CBLB: variants seen among roughly 807,000 people sequenced by gnomAD.
The protein encoded by CBLB is Cbl proto-oncogene B.
CBLB carries 31 observed loss-of-function variants against 104.9 expected under a neutral mutation model. The ratio of observed to expected loss-of-function variants is 0.30; its 90% CI spans 0.22 to 0.40. The LOEUF (loss-of-function observed/expected upper bound fraction) is 0.40. CBLB is among the 10% of genes least tolerant of loss of function. The probability of loss-of-function intolerance (pLI) is 1.00; values close to 1 mark genes in which losing one functional copy is unlikely to be tolerated. For missense variants in CBLB, 1,062 were observed against 1,214.6 expected, an observed-to-expected ratio of 0.87 and a Z score of 1.87; for synonymous variants, 440 against 422.6, an observed-to-expected ratio of 1.04 and a Z score of -0.51.
intron 3 of CBLB, among the ~76,000 whole-genome samples, chr3:105,847,392 C>CCACACACACACA (rs112192218): frequency 9.3e-4 from 133 of 143,532 alleles, no homozygotes; most frequent in African/African-American, 2.6e-3. Context: ...TAACCCTCCA[C>CCACACACACACA]CACACACACA....
rs2076048932 is a variant in CBLB, at chr3:105,745,817, G to C, written c.845+100C>G. On this transcript the variant is annotated intron_variant, in intron 6 of 18. Coordinates refer to ENST00000394030, the MANE Select transcript of CBLB (RefSeq NM_170662.5). ...TTTACCTTTTCTAGCCCCCTCCCAA[G>C]CATGCCATCAGCGGGTATTGCTGAC... is the stretch of plus-strand genomic sequence containing the variant. 3 of 1,078,056 alleles carry C rather than the reference G, an allele frequency of 2.8e-6. No homozygotes were observed. In the Admixed American group the frequency reaches 5.1e-5, roughly 18 times the overall value. The allele number at this position is 1,078,056 out of a possible 1,614,324, so 66.8% of individuals were successfully genotyped here.
intron 18 of CBLB, among the ~76,000 whole-genome samples, chr3:105,662,118 C>T (rs1158701509): frequency 6.6e-6 from 1 of 152,154 alleles, no homozygotes; most frequent in Non-Finnish European, 1.5e-5. Flanking sequence ...AGGAGGAGAT[C>T]ATTTCCACAC....
At chr3:105,722,592 C>A (rs1206421019) in intron 9 of CBLB, among the ~76,000 whole-genome samples, 1 of 116,596 alleles carries the variant, frequency 8.6e-6, no homozygotes, top group Non-Finnish European at 1.9e-5. Flanking sequence ...ATTATTCCAC[C>A]CAATCGAAAT....
At chr3:105,838,570 A>G (rs572441876) in intron 3 of CBLB, among the ~76,000 whole-genome samples, 32 of 152,218 alleles carry the variant, frequency 2.1e-4, no homozygotes, top group Admixed American at 9.2e-4. Flanking sequence ...GTAAATTCCA[A>G]GGATAGTGAT....
chr3:105,776,349 A>G, intron 4 of CBLB, 47 bp downstream of exon 4: 1 of 1,551,604 alleles, frequency 6.4e-7, no homozygotes, highest in Non-Finnish European at 8.9e-7. Context: ...AGGATACAGT[A>G]ACCCTTGAAA....
intron 4 of CBLB, chr3:105,761,979 A>T (rs1015929010): frequency 1.3e-5 from 2 of 152,036 alleles, no homozygotes; most frequent in Non-Finnish European, 1.5e-5. Flanking sequence ...AGTAAAGGTG[A>T]CTCTTGCTAT....
At chr3:105,709,204 A>G (rs542817639) in intron 10 of CBLB, among the ~76,000 whole-genome samples, 5 of 152,128 alleles carry the variant, frequency 3.3e-5, no homozygotes, top group African/African-American at 9.6e-5. Context: ...ATTTAATTTA[A>G]CATGATTAGG....
chr3:105,771,772 T>C (rs2078899044), intron 4 of CBLB, among the ~76,000 whole-genome samples: 1 of 151,864 alleles, frequency 6.6e-6, no homozygotes, highest in Admixed American at 6.6e-5. Flanking sequence ...AAGAACTCAA[T>C]CCCCTTTGCA....
intron 2 of CBLB, among the ~76,000 whole-genome samples, chr3:105,864,186 T>C (rs2092290607): frequency 6.6e-6 from 1 of 152,050 alleles, no homozygotes; most frequent in Admixed American, 6.6e-5. Flanking sequence ...GTACTTGGGG[T>C]TTGTAATATA....
At chr3:105,737,928 C>A (rs2075130622) in intron 7 of CBLB, among the ~76,000 whole-genome samples, 2 of 152,250 alleles carry the variant, frequency 1.3e-5, no homozygotes, top group South Asian at 4.1e-4. Context: ...GTTCTATTAT[C>A]AGGGAAAACT....
intron 13 of CBLB, among the ~76,000 whole-genome samples, chr3:105,686,463 A>C (rs139649628): frequency 5.9e-5 from 9 of 151,914 alleles, no homozygotes; most frequent in Non-Finnish European, 1.3e-4. Flanking sequence ...AAAAAAAAAA[A>C]CAAAAAAACT....
intron 9 of CBLB, among the ~76,000 whole-genome samples, chr3:105,733,250 G>A (rs936135703): frequency 1.6e-4 from 25 of 151,970 alleles, no homozygotes; most frequent in Admixed American, 5.2e-4. Context: ...CCAGCTACTC[G>A]GGAGGCTGAG....
intron 3 of CBLB, among the ~76,000 whole-genome samples, chr3:105,820,567 T>C (rs750421926): frequency 1.3e-5 from 2 of 152,216 alleles, no homozygotes; most frequent in African/African-American, 2.4e-5. Flanking sequence ...ATTCCTTCTT[T>C]GTTCCTATAG....
rs560222253 is a variant in CBLB, at chr3:105,727,975, G to A, written c.1203+6034C>T. 2.9e-3 allele frequency among the ~76,000 whole-genome samples: 435 copies of A among 152,262 alleles called. 6 individuals are homozygous for A. Among genetic ancestry groups the A allele is most frequent in the African/African-American group, 8.8e-3 (367 of 41,554 alleles). ...GCAGTATAGTTTGAAGTCAGGTAGC[G>A]TGATGCCTCCAGCTTTTTTCTTTTT... On this transcript the variant is annotated intron_variant, in intron 9 of 18. Coordinates refer to ENST00000394030, the MANE Select transcript of CBLB (RefSeq NM_170662.5).
rs56249671 is a variant in CBLB, at chr3:105,838,581, T to A, written c.419+14833A>T. 6.3e-3 allele frequency among the ~76,000 whole-genome samples: 955 copies of A among 151,902 alleles called. 13 individuals carry two copies. The highest frequency in any genetic ancestry group is 0.022 in the African/African-American group (919 of 41,430). ...AAAGGTAAATTCCAAGGATAGTGAT[T>A]AGGCTAATCTCAGAAAAACATAAGA... On this transcript the variant is annotated intron_variant, in intron 3 of 18. Coordinates refer to ENST00000394030, the MANE Select transcript of CBLB (RefSeq NM_170662.5).
chr3:105,731,746 T>C (rs779276952), intron 9 of CBLB, among the ~76,000 whole-genome samples: 7 of 152,204 alleles, frequency 4.6e-5, no homozygotes, highest in African/African-American at 1.4e-4. Flanking sequence ...TGAGCCGCCA[T>C]GCCTGGCCAG....
At chr3:105,810,365 T>A (rs2084108984) in intron 3 of CBLB, among the ~76,000 whole-genome samples, 1 of 152,134 alleles carries the variant, frequency 6.6e-6, no homozygotes. Flanking sequence ...TACCTGGATT[T>A]TTTGTGTGTG....
intron 1 of CBLB, among the ~76,000 whole-genome samples, chr3:105,867,851 G>C (rs2092517130): frequency 6.7e-6 from 1 of 150,050 alleles, no homozygotes; most frequent in Non-Finnish European, 1.5e-5. Context: ...GTTTCAAGTA[G>C]CTAAGGCTGA....
chr3:105,794,109 A>C (rs539807238), intron 3 of CBLB, among the ~76,000 whole-genome samples: 1 of 152,350 alleles, frequency 6.6e-6, no homozygotes, highest in South Asian at 2.1e-4. Context: ...CTGAAAATGT[A>C]ACACAAAATA....
Sources: gnomAD v4.1 joint callset for allele counts (sites outside exome capture counted in the v4.1 genomes callset) on GRCh38, gnomAD v4.1.1 for gene constraint, MANE v1.5 for transcripts, NCBI Gene and HGNC (gene_info 2026-07-23, HGNC 2026-07-21) for gene names.